Variants in JMJD4 observed in about 807,000 individuals in gnomAD.
JMJD4 encodes the protein 2-oxoglutarate and iron-dependent oxygenase JMJD4.
JMJD4 carries 34 observed loss-of-function variants against 36.3 expected under a neutral mutation model. The observed-to-expected ratio is 0.94, with a 90% CI of 0.71 to 1.25. The LOEUF (loss-of-function observed/expected upper bound fraction) is 1.25, where lower values mean the gene tolerates loss of function less well. Among genes scored for constraint, JMJD4 ranks in the 50% most tolerant of loss-of-function variants. JMJD4 has a pLI of 0.00. For synonymous variants in JMJD4, 269 were observed against 235.3 expected, an observed-to-expected ratio of 1.14 and a Z score of -1.31; for missense variants, 584 against 559.1, an observed-to-expected ratio of 1.04 and a Z score of -0.45.
intron 5 of JMJD4, 33 bp from the exon 6 acceptor site, chr1:227,732,709 C>T: frequency 1.9e-6 from 3 of 1,606,916 alleles, no homozygotes; most frequent in Non-Finnish European, 2.5e-6. Context: ...TGAGCTAACA[C>T]CATGGACACA....
At position 227,735,269 on chromosome 1, in the gene JMJD4, T is replaced by G. The variant is rs1399905802; in HGVS notation, c.5A>C (p.Asp2Ala). The stretch of plus-strand genomic sequence containing the variant: ...GTCGGCGAGGGCGCGCGTCTCGCGG[T>G]CCATCCAGCTCAGCACGGGTCGAAG... M[D>A]RETRALADSH... Residue 2 changes from aspartate (D) to alanine (A), a missense_variant, in exon 1 of 6, where the codon GAC becomes GCC. Transcript: ENST00000620518. The G allele has an allele frequency of 6.2e-7, 1 of 1,605,782 alleles. No homozygotes were observed. The highest frequency in any genetic ancestry group is 1.1e-5 in the South Asian group (1 of 90,166).
Position 227,733,395 on chromosome 1 carries a change from A to G in JMJD4, c.822+19T>C. On this transcript the variant is annotated intron_variant, in intron 4 of 5. Coordinates refer to ENST00000620518, the MANE Select transcript of JMJD4 (RefSeq NM_023007.3). The stretch of plus-strand genomic sequence containing the variant: ...TGCAGGAAGGCCCCTGATAGGGGGC[A>G]GGAGAAGCAGCACATTACCAGGTTG... 1.9e-6 allele frequency: 3 copies of G among 1,565,880 alleles called. No homozygotes were observed. The highest frequency in any genetic ancestry group is 3.7e-4 in the Middle Eastern group (2 of 5,420).
In JMJD4 at chr1:227,731,805, C is replaced by A. The variant is rs778900597; in HGVS notation, c.*587G>T. On this transcript the variant is annotated 3_prime_UTR_variant, in exon 6 of 6. Coordinates refer to ENST00000620518, the MANE Select transcript of JMJD4 (RefSeq NM_023007.3). Reference sequence around the variant, plus strand: ...CATCTGTGGCCTCTCCAGCTGTCCACAGGCCCTGCAAAGGCAGGGAGGTGG... The same window carrying A: ...CATCTGTGGCCTCTCCAGCTGTCCAAAGGCCCTGCAAAGGCAGGGAGGTGG... 6.3e-6 allele frequency: 1 copy of A among 159,636 alleles called. No homozygotes were observed. The highest frequency in any genetic ancestry group is 5.7e-5 in the Admixed American group (1 of 17,404). 9.9% of individuals were successfully genotyped at this position (159,636 alleles called of 1,614,324 possible). A position where few individuals can be genotyped will look rare whatever the true frequency, so the allele number is the denominator to read the frequency against.
In JMJD4 at chr1:227,732,582, G is replaced by C; in HGVS notation, c.1064C>G (p.Ala355Gly). 2 of 1,613,504 alleles carry C rather than the reference G, an allele frequency of 1.2e-6. No homozygotes were observed. The highest frequency in any genetic ancestry group is 1.7e-6 in the Non-Finnish European group (2 of 1,180,034). Residue 355 changes from alanine to glycine, a missense_variant, in exon 6 of 6, where the codon GCA becomes GGA. By Grantham distance (60) the Ala-to-Gly change is moderately conservative (BLOSUM62 0). Coordinates refer to ENST00000620518, the MANE Select transcript of JMJD4 (RefSeq NM_023007.3). The part of the protein sequence containing the change: ...AEKRLLVLRE[A>G]AAEDGAGLGF... Reference sequence around the variant, plus strand: ...CAACCCAGCACCGTCCTCAGCGGCTGCCTCCCTCAGGACCAGGAGCCTCTT... The same window carrying C: ...CAACCCAGCACCGTCCTCAGCGGCTCCCTCCCTCAGGACCAGGAGCCTCTT...
chr1:227,732,103 C>T lies in JMJD4; in HGVS notation c.*289G>A, dbSNP rs1256856548. ...AGACACAGACTCCTGTCAGCTCAGG[C>T]GTCCTGGCCTAAGGAGGCAGGGCCC... On this transcript the variant is annotated 3_prime_UTR_variant, in exon 6 of 6. Transcript: ENST00000620518. 3.9e-6 allele frequency: 2 copies of T among 517,104 alleles called. No homozygotes were observed. The highest frequency in any genetic ancestry group is 6.8e-5 in the East Asian group (2 of 29,506). 32.0% of individuals were successfully genotyped at this position (517,104 alleles called of 1,614,324 possible). A position where few individuals can be genotyped will look rare whatever the true frequency, so the allele number is the denominator to read the frequency against.
rs1307446764 is a variant in JMJD4 at position 227,731,908 on chromosome 1, C to T, written c.*484G>A. On this transcript the variant is annotated 3_prime_UTR_variant, in exon 6 of 6. Transcript: ENST00000620518. ...GGCCGCTGGTTCCACAGCCCATCAC[C>T]TGGAGGTGATGGAGGCCAACCCCAG... 5.9e-6 allele frequency: 1 copy of T among 169,018 alleles called. No homozygotes were observed. The highest frequency in any genetic ancestry group is 1.3e-5 in the Non-Finnish European group (1 of 76,900). The allele number at this position is 169,018 out of a possible 1,614,324, so 10.5% of individuals were successfully genotyped here.
rs747554405 is a variant in JMJD4 at position 227,735,197 on chromosome 1, G to A, written c.77C>T (p.Ala26Val). 8.2e-6 allele frequency: 13 copies of A among 1,582,548 alleles called. No homozygotes were observed. Among genetic ancestry groups the A allele is most frequent in the Non-Finnish European group, 1.1e-5 (13 of 1,165,072 alleles). The change falls in exon 1 of 6, where the codon GCT (alanine) becomes GTT (valine). Residue 26 changes from alanine to valine, a missense_variant. By Grantham distance (64) the Ala-to-Val change is moderately conservative. Coordinates refer to ENST00000620518, the MANE Select transcript of JMJD4 (RefSeq NM_023007.3). ...CGAGACGAAGGCTACCCGGCCCGGA[G>A]CCTGGCCGACGCCGGGGACATCGAC... ...LGVDVPGVGQAPGRVAFVSEP... is the reference protein window; with the variant it reads ...LGVDVPGVGQVPGRVAFVSEP...
At position 227,735,196 on chromosome 1, in the gene JMJD4, A is replaced by T. The variant is rs778543835; in HGVS notation, c.78T>A (p.Ala26=). 13 of 1,581,902 alleles carry T rather than the reference A, an allele frequency of 8.2e-6. No homozygotes were observed. In the South Asian group the frequency reaches 1.5e-4, roughly 18 times the overall value. Reference sequence around the variant, plus strand: ...CCGAGACGAAGGCTACCCGGCCCGGAGCCTGGCCGACGCCGGGGACATCGA... The same window carrying T: ...CCGAGACGAAGGCTACCCGGCCCGGTGCCTGGCCGACGCCGGGGACATCGA... ...LGVDVPGVGQ[A]PGRVAFVSEP... is the part of the protein sequence containing the mutation. The change falls in exon 1 of 6, where the codon GCT becomes GCA. Residue 26 remains alanine (A), a synonymous_variant. Transcript: ENST00000620518.
rs1355771706 is a variant in JMJD4, at chr1:227,732,905, C to T, written c.945G>A (p.Met315Ile). The T allele has an allele frequency of 6.2e-7, 1 of 1,612,684 alleles. No homozygotes were observed. ...CCTGGCAGTGGTGGTGCCAGTCGGG[C>T]ATGGAGTCCCTCCACTCGCTGACCT... is the stretch of plus-strand genomic sequence containing the variant. The part of the protein sequence containing the change: ...QEEVSEWRDS[M>I]PDWHHHCQVI... Residue 315 changes from methionine to isoleucine, a missense_variant, in exon 5 of 6, where the codon ATG (methionine) becomes ATA (isoleucine). Coordinates refer to ENST00000620518, the MANE Select transcript of JMJD4 (RefSeq NM_023007.3).
In JMJD4 at chr1:227,733,628, C is replaced by G; in HGVS notation, c.608G>C (p.Cys203Ser). 1 of 1,603,108 alleles carries G rather than the reference C, an allele frequency of 6.2e-7. No homozygotes were observed. Among genetic ancestry groups the G allele is most frequent in the Non-Finnish European group, 8.5e-7 (1 of 1,178,922 alleles). ...FRSFSWSVNV[C>S]GRKKWLLFPP... ...GAAGAGGAGCCACTTCTTCCTCCCA[C>G]AGACATTGACAGACCAGCTGAAGGA... Residue 203 changes from cysteine to serine, a missense_variant, in exon 4 of 6, where the codon TGT (cysteine) becomes TCT (serine). Coordinates refer to ENST00000620518, the MANE Select transcript of JMJD4 (RefSeq NM_023007.3).
At position 227,734,903 on chromosome 1, in the gene JMJD4, C is replaced by T. The variant is rs1660969982; in HGVS notation, c.263-87G>A. 4 of 1,558,490 alleles carry T rather than the reference C, an allele frequency of 2.6e-6. No individual in the cohort carries two copies. In the African/African-American group the frequency reaches 5.4e-5, roughly 21 times the overall value. On this transcript the variant is annotated intron_variant, in intron 1 of 5. Coordinates refer to ENST00000620518, the MANE Select transcript of JMJD4 (RefSeq NM_023007.3). Reference sequence around the variant, plus strand: ...GCAGAGGAACTCTCCAGGGGCCACGCGCCTGGCCTCCCTCACCCTCCCTGG... The same window carrying T: ...GCAGAGGAACTCTCCAGGGGCCACGTGCCTGGCCTCCCTCACCCTCCCTGG...
chr1:227,733,310 G>T (rs1277583806), intron 4 of JMJD4, 104 bp downstream of exon 4: 1 of 1,278,156 alleles, frequency 7.8e-7, no homozygotes, highest in South Asian at 1.5e-5. Context: ...TCACCCATGA[G>T]CCACCCCATT....
chr1:227,732,048 A>C lies in JMJD4; in HGVS notation c.*344T>G. 1 of 379,264 alleles carries C rather than the reference A, an allele frequency of 2.6e-6. No individual in the cohort carries two copies. Among genetic ancestry groups the C allele is most frequent in the Non-Finnish European group, 5.0e-6 (1 of 201,498 alleles). 23.5% of individuals were successfully genotyped at this position (379,264 alleles called of 1,614,324 possible). On this transcript the variant is annotated 3_prime_UTR_variant, in exon 6 of 6. Transcript: ENST00000620518. ...TGAGACGAGGGGACAGGGCTGGCCT[A>C]TTAAGAGGAGCCACCAGAGAAGGCA...
At chr1:227,734,939 T>C (rs2273938) in intron 1 of JMJD4, 73 bp downstream of exon 1, 100,660 of 1,503,022 alleles carry the variant, frequency 0.067, 6,017 homozygotes, top group East Asian at 0.33. Flanking sequence ...TGCCCCTCTC[T>C]AGGCGGGGGC....
chr1:227,732,875 C>A lies in JMJD4; in HGVS notation c.969+6G>T. ...GGAGGGTAGCCTCCATGCGTAGCCA[C>A]CCCACCTGGCAGTGGTGGTGCCAGT... On this transcript the variant is annotated splice_donor_region_variant and intron_variant, in intron 5 of 5. Coordinates refer to ENST00000620518, the MANE Select transcript of JMJD4 (RefSeq NM_023007.3). The A allele has an allele frequency of 1.9e-6, 3 of 1,612,372 alleles. No homozygotes were observed. Among genetic ancestry groups the A allele is most frequent in the Admixed American group, 3.3e-5 (2 of 60,030 alleles).
Position 227,734,815 on chromosome 1 carries a change from T to C in JMJD4, c.264A>G (p.Gly88=), listed in dbSNP as rs774791511. 1.2e-6 allele frequency: 2 copies of C among 1,613,702 alleles called. No individual in the cohort carries two copies. Among genetic ancestry groups the C allele is most frequent in the South Asian group, 2.2e-5 (2 of 91,066 alleles). ...AGTTTGCAACTGGTACAACCACGTC[T>C]CCTGAAATGAAAGGCACGGTCCATG... ...PDFDHLLRTY[G]DVVVPVANCG... is the part of the protein sequence containing the mutation. Residue 88 remains glycine, a splice_region_variant and synonymous_variant, in exon 2 of 6, where the codon GGA becomes GGG. Coordinates refer to ENST00000620518, the MANE Select transcript of JMJD4 (RefSeq NM_023007.3).
In JMJD4 at chr1:227,732,295, G is replaced by C; in HGVS notation, c.*97C>G. On this transcript the variant is annotated 3_prime_UTR_variant, in exon 6 of 6. Coordinates refer to ENST00000620518, the MANE Select transcript of JMJD4 (RefSeq NM_023007.3). ...AGGCCACAAGCCTCGACAGGGGTGG[G>C]CCCCAGGTCACAGGGAGGGCGGTCT... 1 of 1,412,012 alleles carries C rather than the reference G, an allele frequency of 7.1e-7. No homozygotes were observed. The highest frequency in any genetic ancestry group is 9.8e-7 in the Non-Finnish European group (1 of 1,018,348). 87.5% of individuals were successfully genotyped at this position (1,412,012 alleles called of 1,614,324 possible). A position where few individuals can be genotyped will look rare whatever the true frequency, so the allele number is the denominator to read the frequency against.
In JMJD4 at chr1:227,732,119, G is replaced by A. The variant is rs548905685; in HGVS notation, c.*273C>T. On this transcript the variant is annotated 3_prime_UTR_variant, in exon 6 of 6. Coordinates refer to ENST00000620518, the MANE Select transcript of JMJD4 (RefSeq NM_023007.3). ...CAGCTCAGGCGTCCTGGCCTAAGGA[G>A]GCAGGGCCCCCAAAAGAGCCAGGTC... is the stretch of plus-strand genomic sequence containing the variant. The A allele has an allele frequency of 1.3e-3, 719 of 553,020 alleles. 1 individual carries two copies. The highest frequency in any genetic ancestry group is 2.1e-3 in the Non-Finnish European group (645 of 308,198). 34.3% of individuals were successfully genotyped at this position (553,020 alleles called of 1,614,324 possible).
intron 4 of JMJD4, 31 bp from the exon 5 acceptor site, chr1:227,733,058 G>A (rs759187928): frequency 1.2e-6 from 2 of 1,610,446 alleles, no homozygotes. Flanking sequence ...GCAGGCCTGA[G>A]CCCATGGCAG....
Sources: gnomAD v4.1 joint callset for allele counts on GRCh38, gnomAD v4.1.1 for gene constraint, MANE v1.5 for transcripts, NCBI Gene and HGNC (gene_info 2026-07-23, HGNC 2026-07-21) for gene names.